The following LPCAT1 variants were observed in gnomAD, a reference collection of about 807,000 sequenced individuals.
LPCAT1 encodes the protein lysophosphatidylcholine acyltransferase 1, also known as 1-acylglycerol-3-phosphate O-acyltransferase.
Under a neutral mutation model 60.9 loss-of-function variants are expected in LPCAT1, and 23 were observed. That is an observed-to-expected ratio of 0.38 (90% CI 0.27 to 0.53). The LOEUF is 0.53. Ranked by LOEUF, LPCAT1 falls within the 20% of genes least tolerant of loss-of-function variation. LPCAT1 has a pLI of 0.82. For missense variants in LPCAT1, 622 were observed against 723.6 expected (o/e 0.86, Z 1.61); for synonymous variants, 340 against 301.1 (o/e 1.13, Z -1.34).
Position 1,506,732 on chromosome 5 carries a change from G to A in LPCAT1, c.136-5129C>T, listed in dbSNP as rs6554860. ...TCTAAGGAAAGGGGGCTGGCAGTGC[G>A]GTCTCCCAGGCAGCGTCGCTGGAGA... On this transcript the variant is annotated intron_variant, in intron 1 of 13. Transcript: ENST00000283415. Among the ~76,000 whole-genome samples, 1,295 of 152,348 alleles carry A rather than the reference G, an allele frequency of 8.5e-3. 11 individuals carry two copies. The highest frequency in any genetic ancestry group is 0.014 in the Non-Finnish European group (965 of 68,028).
Position 1,464,754 on chromosome 5 carries a change from A to C in LPCAT1, c.1421-919T>G, listed in dbSNP as rs111206042. On this transcript the variant is annotated intron_variant, in intron 13 of 13. Transcript: ENST00000283415. Reference sequence around the variant, plus strand: ...CATGCACGCAGACACACACACACAAAACAAGCACACACACGGTAACCAAAC... The same window carrying C: ...CATGCACGCAGACACACACACACAACACAAGCACACACACGGTAACCAAAC... Among the ~76,000 whole-genome samples, 550 of 131,140 alleles carry C rather than the reference A, an allele frequency of 4.2e-3. 4 individuals carry two copies. The highest frequency in any genetic ancestry group is 0.016 in the African/African-American group (515 of 32,210). 86.0% of individuals were successfully genotyped at this position (131,140 alleles called of 152,430 possible). A position where few individuals can be genotyped will look rare whatever the true frequency, so the allele number is the denominator to read the frequency against.
chr5:1,504,132 A>T (rs1431045698), intron 1 of LPCAT1, among the ~76,000 whole-genome samples: 1 of 152,250 alleles, frequency 6.6e-6, no homozygotes, highest in Non-Finnish European at 1.5e-5. Context: ...TGTTATTTTC[A>T]GAAATACCTT....
chr5:1,489,595 GAC>G, intron 4 of LPCAT1, 149 bp downstream of exon 4: 1 of 701,324 alleles, frequency 1.4e-6, no homozygotes, highest in South Asian at 1.5e-5. Context: ...AAATGCACCT[GAC>G]AGCACCCTCC....
In LPCAT1 at chr5:1,473,228, G is replaced by A. The variant is rs191464996; in HGVS notation, c.1179+729C>T. Among the ~76,000 whole-genome samples the A allele has an allele frequency of 5.0e-4, 76 of 152,296 alleles. 1 individual carries two copies. The East Asian group carries it at 0.013, about 25-fold the overall frequency. On this transcript the variant is annotated intron_variant, in intron 11 of 13. Transcript: ENST00000283415. ...CACACGGGACATCTCATGCTGTCAC[G>A]GGACAGTCATGGCTGAAGGAGCCTT...
rs1240887706 is a variant in LPCAT1, at chr5:1,481,283, C to T, written c.727-307G>A. Among the ~76,000 whole-genome samples, 5 of 152,174 alleles carry T rather than the reference C, an allele frequency of 3.3e-5. No homozygotes were observed. The highest frequency in any genetic ancestry group is 5.9e-5 in the Non-Finnish European group (4 of 68,034). On this transcript the variant is annotated intron_variant, in intron 6 of 13. Transcript: ENST00000283415. The surrounding 1 kb of genome is among the most constrained non-coding windows in gnomAD (Gnocchi z 7.8). ...CTCAGAGCCCCCTCTTATAGGTTCC[C>T]AGAGCCCCTAGAACCTGGGAAAAGG...
chr5:1,516,632 C>CT (rs56874119), intron 1 of LPCAT1, among the ~76,000 whole-genome samples: 13,682 of 146,838 alleles, frequency 0.093, 2,037 homozygotes, highest in African/African-American at 0.32. Flanking sequence ...TCTTTCTTTC[C>CT]TTTTTTTTTT....
intron 2 of LPCAT1, among the ~76,000 whole-genome samples, chr5:1,499,124 T>C (rs942658315): frequency 6.6e-6 from 1 of 152,234 alleles, no homozygotes; most frequent in African/African-American, 2.4e-5. Flanking sequence ...TAAGAGTCCG[T>C]TGTGGTCCAT....
chr5:1,515,081 T>G (rs1287348700), intron 1 of LPCAT1, among the ~76,000 whole-genome samples: 5 of 152,118 alleles, frequency 3.3e-5, no homozygotes, highest in Non-Finnish European at 7.4e-5. Flanking sequence ...CAGCACATCC[T>G]GCATCAGGGG....
In LPCAT1 at chr5:1,463,608, A is replaced by G; in HGVS notation, c.*43T>C. 6.2e-7 allele frequency: 1 copy of G among 1,602,086 alleles called. No homozygotes were observed. The highest frequency in any genetic ancestry group is 8.5e-7 in the Non-Finnish European group (1 of 1,172,930). On this transcript the variant is annotated 3_prime_UTR_variant, in exon 14 of 14. Transcript: ENST00000283415. ...ACTCGCAAAGAGGCTCATGGCGGTG[A>G]TGTCCACGCGGGAGGGGCCGCGTCT...
chr5:1,523,910 T>C lies in LPCAT1; in HGVS notation c.-66A>G. 1 of 992,240 alleles carries C rather than the reference T, an allele frequency of 1.0e-6. No homozygotes were observed. Among genetic ancestry groups the C allele is most frequent in the Non-Finnish European group, 1.2e-6 (1 of 832,708 alleles). The allele number at this position is 992,240 out of a possible 1,614,324, so 61.5% of individuals were successfully genotyped here. ...GGCGCCGAGCGGGGCCGGGGCTAGC[T>C]GGGCGCGGGTCTCGGGGCGCGGGCC... On this transcript the variant is annotated 5_prime_UTR_variant, in exon 1 of 14. Coordinates refer to ENST00000283415, the MANE Select transcript of LPCAT1 (RefSeq NM_024830.5). The surrounding 1 kb of genome is among the most constrained non-coding windows in gnomAD (Gnocchi z 7.1).
intron 2 of LPCAT1, 32 bp downstream of exon 2, chr5:1,501,429 C>CCG (rs1363172195): frequency 6.3e-7 from 1 of 1,583,474 alleles, no homozygotes; most frequent in African/African-American, 1.3e-5. Context: ...GACCCCCCCC[C>CCG]AGGAGGAGAG....
At chr5:1,506,930 G>A (rs2126602820) in intron 1 of LPCAT1, among the ~76,000 whole-genome samples, 1 of 152,304 alleles carries the variant, frequency 6.6e-6, no homozygotes, top group East Asian at 1.9e-4. Context: ...CTGGCTCAGA[G>A]GCTTCCACAG....
Position 1,461,656 on chromosome 5 carries a change from C to T in LPCAT1, c.*1995G>A, listed in dbSNP as rs1166985198. The T allele has an allele frequency of 5.2e-5, 8 of 152,862 alleles. No individual in the cohort carries two copies. The highest frequency in any genetic ancestry group is 8.8e-5 in the Non-Finnish European group (6 of 68,052). The allele number at this position is 152,862 out of a possible 1,614,324, so 9.5% of individuals were successfully genotyped here. On this transcript the variant is annotated 3_prime_UTR_variant, in exon 14 of 14. Coordinates refer to ENST00000283415, the MANE Select transcript of LPCAT1 (RefSeq NM_024830.5). ...ATTCACAGTTCCGAATATCCGCCAACTCTAAGTCGCCACGAAGAGAAAAGA... is the reference window on the plus strand; with the variant it reads ...ATTCACAGTTCCGAATATCCGCCAATTCTAAGTCGCCACGAAGAGAAAAGA...
chr5:1,484,249 C>T (rs1735286529), intron 5 of LPCAT1, among the ~76,000 whole-genome samples: 1 of 152,272 alleles, frequency 6.6e-6, no homozygotes, highest in Non-Finnish European at 1.5e-5. Context: ...CTTCCCCGTT[C>T]CCACTGGAAT....
chr5:1,468,061 C>G (rs1734507645), intron 12 of LPCAT1, among the ~76,000 whole-genome samples: 1 of 152,174 alleles, frequency 6.6e-6, no homozygotes, highest in South Asian at 2.1e-4. Context: ...CCTCCACCGG[C>G]TCCTCCTTGC....
chr5:1,492,967 G>GA (rs1056358293), intron 3 of LPCAT1, among the ~76,000 whole-genome samples: 1 of 152,220 alleles, frequency 6.6e-6, no homozygotes, highest in African/African-American at 2.4e-5. Context: ...CAGTGGGGGG[G>GA]CAAATGTGGT....
intron 1 of LPCAT1, among the ~76,000 whole-genome samples, chr5:1,516,321 A>G (rs1736504646): frequency 6.6e-6 from 1 of 152,204 alleles, no homozygotes; most frequent in Non-Finnish European, 1.5e-5. Flanking sequence ...GGATGTCACA[A>G]TGATGATTCA....
intron 1 of LPCAT1, chr5:1,511,004 T>C (rs935189936): frequency 2.0e-5 from 3 of 152,268 alleles, no homozygotes; most frequent in Admixed American, 6.5e-5. Context: ...GAAACAGCCA[T>C]GGGGGAGCAC....
intron 12 of LPCAT1, 127 bp from the exon 13 acceptor site, chr5:1,467,017 T>A: frequency 1.9e-6 from 2 of 1,056,076 alleles, no homozygotes; most frequent in Non-Finnish European, 2.5e-6. Flanking sequence ...GGCCGGCGGC[T>A]GGACACGGGG....
Sources: allele counts gnomAD v4.1 joint callset (sites outside exome capture counted in the v4.1 genomes callset), GRCh38; gene constraint gnomAD v4.1.1; non-coding constraint Gnocchi (gnomAD v3.1); transcripts MANE v1.5; gene names NCBI Gene and HGNC (gene_info 2026-07-23, HGNC 2026-07-21).